Variants in LIG1 observed in about 807,000 individuals in gnomAD.
LIG1 encodes the protein DNA ligase 1, also known as ligase I, DNA, ATP-dependent.
In LIG1, 70 loss-of-function variants were observed where a neutral mutation model predicts 115.7. The observed-to-expected ratio is 0.60, with a 90% CI of 0.50 to 0.74. The LOEUF is 0.74. Among genes scored for constraint, LIG1 ranks in the 30% least tolerant of loss-of-function variants. The probability of loss-of-function intolerance (pLI) is 0.00; values close to 1 mark genes in which losing one functional copy is unlikely to be tolerated. For synonymous variants in LIG1, 487 were observed against 495.3 expected, an observed-to-expected ratio of 0.98 and a Z score of 0.22; for missense variants, 1,115 against 1,225.6, an observed-to-expected ratio of 0.91 and a Z score of 1.35.
At position 48,140,014 on chromosome 19, in the gene LIG1, G is replaced by A. The variant is rs781405512; in HGVS notation, c.1044C>T (p.Gly348=). 30 of 1,614,078 alleles carry A rather than the reference G, an allele frequency of 1.9e-5. No individual in the cohort carries two copies. The Middle Eastern group carries it at 4.9e-4, about 27-fold the overall frequency. ...LGPPQQGLEL[G]VGDGVLLKAV... is the part of the protein sequence containing the mutation. ...CCTTGAGAAGGACACCATCACCCAC[G>A]CCAAGCTCCAGGCCCTGCTGGGGTG... The change falls in exon 12 of 28, where the codon GGC becomes GGT. Residue 348 remains glycine (G), a synonymous_variant. Coordinates refer to ENST00000263274, the MANE Select transcript of LIG1 (RefSeq NM_000234.3).
intron 11 of LIG1, 147 bp from the exon 12 acceptor site, chr19:48,140,290 G>A: frequency 1.6e-6 from 1 of 626,586 alleles, no homozygotes; most frequent in Non-Finnish European, 2.8e-6. Flanking sequence ...TCTGGGGCCT[G>A]GAGCCATGAG....
intron 24 of LIG1, 110 bp downstream of exon 24, chr19:48,121,060 T>A: frequency 6.3e-7 from 1 of 1,593,006 alleles, no homozygotes; most frequent in Non-Finnish European, 8.6e-7. Flanking sequence ...AACGGATCCT[T>A]CACAGGGGGA....
chr19:48,127,831 G>A (rs562111822), intron 20 of LIG1, 79 bp downstream of exon 20: 9 of 1,204,404 alleles, frequency 7.5e-6, no homozygotes, highest in African/African-American at 3.0e-5. Flanking sequence ...TCTGGGCACT[G>A]GGCAGGACCC....
chr19:48,119,098 G>A (rs1009476542), intron 25 of LIG1, 39 bp downstream of exon 25: 6 of 1,512,282 alleles, frequency 4.0e-6, no homozygotes, highest in African/African-American at 1.4e-5. Context: ...GGGCAGGGGG[G>A]AGAGGGGTGG....
Position 48,170,324 on chromosome 19 carries a change from G to T in LIG1, c.-141C>A, listed in dbSNP as rs867588875. On this transcript the variant is annotated 5_prime_UTR_variant, in exon 1 of 28. Coordinates refer to ENST00000263274, the MANE Select transcript of LIG1 (RefSeq NM_000234.3). ...CTCTGCAGTCCCAAGTTCGCGCCAC[G>T]GCATTCGCGCGCAGACGTCTGCGGG... The T allele has an allele frequency of 2.5e-5, 11 of 445,372 alleles. No homozygotes were observed. In the Middle Eastern group the frequency reaches 3.0e-3, roughly 121 times the overall value. 27.6% of individuals were successfully genotyped at this position (445,372 alleles called of 1,614,324 possible).
At chr19:48,157,212 G>C in intron 4 of LIG1, 72 bp from the exon 5 acceptor site, 1 of 1,505,142 alleles carries the variant, frequency 6.6e-7, no homozygotes, top group Non-Finnish European at 9.0e-7. Context: ...GTTGAGAGTA[G>C]AGGGGACTGA....
chr19:48,128,496 G>A (rs771746504), intron 19 of LIG1, among the ~76,000 whole-genome samples: 6 of 152,150 alleles, frequency 3.9e-5, no homozygotes, highest in Middle Eastern at 3.2e-3. Context: ...ACTCTCCCGG[G>A]TCAGCCTGGG....
chr19:48,153,065 T>C (rs564328635), intron 6 of LIG1, among the ~76,000 whole-genome samples: 136 of 151,706 alleles, frequency 9.0e-4, no homozygotes, highest in Non-Finnish European at 1.7e-3. Context: ...GGCGTGGTGG[T>C]GTGTCTGTAA....
intron 16 of LIG1, 151 bp downstream of exon 16, chr19:48,135,529 T>C (rs2034322805): frequency 1.3e-6 from 1 of 750,996 alleles, no homozygotes. Context: ...CTTGTCTAGA[T>C]CACCACCTCT....
chr19:48,123,667 G>C (rs1321531812), intron 21 of LIG1: 2 of 349,334 alleles, frequency 5.7e-6, no homozygotes, highest in Admixed American at 8.0e-5. Flanking sequence ...GCCCAGGCTG[G>C]AGTGCGGTGG....
At chr19:48,135,997 C>A in intron 15 of LIG1, 37 bp downstream of exon 15, 1 of 1,476,086 alleles carries the variant, frequency 6.8e-7, no homozygotes, top group Non-Finnish European at 9.2e-7. Context: ...TGAGGTAACT[C>A]CAGCGAGGGA....
At chr19:48,138,478 G>A (rs891856258) in intron 12 of LIG1, among the ~76,000 whole-genome samples, 4 of 152,230 alleles carry the variant, frequency 2.6e-5, no homozygotes, top group Non-Finnish European at 4.4e-5. Context: ...GGTGGGCCTC[G>A]CGCCTGAAGC....
At position 48,137,329 on chromosome 19, in the gene LIG1, A is replaced by G. The variant is rs191174350; in HGVS notation, c.1254+193T>C. On this transcript the variant is annotated intron_variant, in intron 13 of 27. Coordinates refer to ENST00000263274, the MANE Select transcript of LIG1 (RefSeq NM_000234.3). The surrounding 1 kb of genome is among the most constrained non-coding windows in gnomAD (Gnocchi z 4.3). ...AGTCCTGTCATGTGGCAGCCATGGC[A>G]TTAGGTCTGCTAGACTCTGAAGAGG... Among the ~76,000 whole-genome samples, 1 of 152,302 alleles carries G rather than the reference A, an allele frequency of 6.6e-6. No homozygotes were observed. Among genetic ancestry groups the G allele is most frequent in the Non-Finnish European group, 1.5e-5 (1 of 68,028 alleles).
intron 25 of LIG1, among the ~76,000 whole-genome samples, chr19:48,118,142 C>A (rs2122288420): frequency 6.6e-6 from 1 of 152,194 alleles, no homozygotes; most frequent in South Asian, 2.1e-4. Context: ...AGGAAGGAGA[C>A]AGAGACACAG....
In LIG1 at chr19:48,137,938, C is replaced by A. The variant is rs2034504418; in HGVS notation, c.1088-250G>T. 1.7e-6 allele frequency: 1 copy of A among 586,572 alleles called. No homozygotes were observed. The allele number at this position is 586,572 out of a possible 1,614,324, so 36.3% of individuals were successfully genotyped here. Reference sequence around the variant, plus strand: ...AGCGGTGGATGAACGAGCATGACCACACTCAGGGGAGACATCTGGGCCGGT... The same window carrying A: ...AGCGGTGGATGAACGAGCATGACCAAACTCAGGGGAGACATCTGGGCCGGT... On this transcript the variant is annotated intron_variant, in intron 12 of 27. Coordinates refer to ENST00000263274, the MANE Select transcript of LIG1 (RefSeq NM_000234.3). This position sits in a 1 kb window ranked among gnomAD's most constrained non-coding sequence, Gnocchi z 4.3.
chr19:48,169,054 T>C (rs1568566157), intron 1 of LIG1, among the ~76,000 whole-genome samples: 1 of 152,186 alleles, frequency 6.6e-6, no homozygotes, highest in African/African-American at 2.4e-5. Context: ...GAAGCACTGA[T>C]ACAAGCAACA....
chr19:48,155,241 T>C (rs1488460838), intron 5 of LIG1, among the ~76,000 whole-genome samples: 1 of 152,020 alleles, frequency 6.6e-6, no homozygotes, highest in African/African-American at 2.4e-5. Context: ...AAGCCCAGGC[T>C]CCTTAGCTGG....
intron 9 of LIG1, among the ~76,000 whole-genome samples, chr19:48,146,944 G>A (rs1006320547): frequency 6.6e-6 from 1 of 152,190 alleles, no homozygotes; most frequent in African/African-American, 2.4e-5. Flanking sequence ...ATGTCAATGT[G>A]TGTAAAATGG....
At chr19:48,151,693 A>C (rs926636573) in intron 6 of LIG1, among the ~76,000 whole-genome samples, 5 of 152,158 alleles carry the variant, frequency 3.3e-5, no homozygotes, top group African/African-American at 1.2e-4. Flanking sequence ...GGCCTCCCAA[A>C]GTGCAGGTCT....
Sources: gnomAD v4.1 joint callset for allele counts (sites outside exome capture counted in the v4.1 genomes callset) on GRCh38, gnomAD v4.1.1 for gene constraint, Gnocchi (gnomAD v3.1) non-coding constraint, MANE v1.5 for transcripts, NCBI Gene and HGNC (gene_info 2026-07-23, HGNC 2026-07-21) for gene names.